The following CES3 variants were observed in gnomAD, a reference collection of about 807,000 sequenced individuals.
The protein encoded by CES3 is carboxylesterase 3 (brain).
CES3 carries 49 observed loss-of-function variants against 57.6 expected under a neutral mutation model. The observed-to-expected ratio is 0.85, with a 90% CI of 0.68 to 1.08. CES3 has a LOEUF of 1.08. Among genes scored for constraint, CES3 ranks in the 50% least tolerant of loss-of-function variants. CES3 has a pLI of 0.00. For missense variants in CES3, 645 were observed against 742.0 expected, an observed-to-expected ratio of 0.87 and a Z score of 1.52; for synonymous variants, 266 against 281.6, an observed-to-expected ratio of 0.94 and a Z score of 0.55.
Position 66,972,889 on chromosome 16 carries a change from A to C in CES3, c.1556A>C (p.Gln519Pro), listed in dbSNP as rs1963865056. Reference protein sequence around the residue: ...PNSKALPPWPQFNQAEQYLEI... With the variant: ...PNSKALPPWPPFNQAEQYLEI... ...AGCAAGGCTCTGCCTCCTTGGCCCC[A>C]ATTCAACCAGGCGGAACAATATCTG... The change falls in exon 13 of 13, where the codon CAA becomes CCA. Residue 519 changes from glutamine to proline, a missense_variant. By Grantham distance (76) the Gln-to-Pro change is moderately conservative. Coordinates refer to ENST00000303334, the MANE Select transcript of CES3 (RefSeq NM_024922.6). The C allele has an allele frequency of 2.5e-6, 4 of 1,614,054 alleles. No individual in the cohort carries two copies. Among genetic ancestry groups the C allele is most frequent in the Non-Finnish European group, 3.4e-6 (4 of 1,180,040 alleles).
intron 11 of CES3, 30 bp downstream of exon 11, chr16:66,972,535 C>T (rs1445951292): frequency 6.2e-7 from 1 of 1,606,424 alleles, no homozygotes; most frequent in African/African-American, 1.3e-5. Context: ...CATGTGATCC[C>T]TAGGCTGCCA....
chr16:66,965,732 A>G (rs1357918842), intron 6 of CES3, among the ~76,000 whole-genome samples: 1 of 152,174 alleles, frequency 6.6e-6, no homozygotes, highest in African/African-American at 2.4e-5. Flanking sequence ...CAAAGTCAGG[A>G]GATCAAGGTG....
chr16:66,961,291 A>C lies in CES3; in HGVS notation c.-17A>C. The C allele has an allele frequency of 6.2e-7, 1 of 1,610,588 alleles. No homozygotes were observed. ...ATTCCACCTTCTGAAGCTTCTGTCG[A>C]ACCAGTTGTAAGGAGAATGGAGAGA... is the stretch of plus-strand genomic sequence containing the variant. On this transcript the variant is annotated 5_prime_UTR_variant, in exon 1 of 13. Coordinates refer to ENST00000303334, the MANE Select transcript of CES3 (RefSeq NM_024922.6).
At position 66,972,928 on chromosome 16, in the gene CES3, T is replaced by A; in HGVS notation, c.1595T>A (p.Val532Glu). 6.2e-7 allele frequency: 1 copy of A among 1,614,150 alleles called. No individual in the cohort carries two copies. Among genetic ancestry groups the A allele is most frequent in the Non-Finnish European group, 8.5e-7 (1 of 1,180,040 alleles). The change falls in exon 13 of 13, where the codon GTG (valine) becomes GAG (glutamate). Residue 532 changes from valine (V) to glutamate (E), a missense_variant. By Grantham distance (121) the Val-to-Glu change is moderately radical. Transcript: ENST00000303334. The stretch of plus-strand genomic sequence containing the variant: ...GAACAATATCTGGAGATCAACCCAG[T>A]GCCACGGGCCGGACAGAAGTTCAGG... The part of the protein sequence containing the change: ...QAEQYLEINP[V>E]PRAGQKFREA...
At chr16:66,966,482 T>C in intron 7 of CES3, 137 bp downstream of exon 7, 1 of 925,284 alleles carries the variant, frequency 1.1e-6, no homozygotes, top group South Asian at 1.7e-5. Context: ...GGCTGAGGGC[T>C]TGGAGACAGA....
rs745877187 is a variant in CES3, at chr16:66,971,316, C to CGAGGTA, written c.1289_1291+3dup. The CGAGGTA allele has an allele frequency of 1.6e-5, 26 of 1,612,620 alleles. No homozygotes were observed. In the East Asian group the frequency reaches 5.8e-4, roughly 36 times the overall value. ...CACCGTCAGTTTTTCAAGATACCTT[C>CGAGGTA]GAGGTAAGCCTGTCCCTGGCCACCT... On this transcript the variant is annotated inframe_insertion, in exon 10 of 13. Coordinates refer to ENST00000303334, the MANE Select transcript of CES3 (RefSeq NM_024922.6).
At position 66,964,500 on chromosome 16, in the gene CES3, T is replaced by C. The variant is rs1462653952; in HGVS notation, c.704T>C (p.Ile235Thr). ...VFGGSAGGSI[I>T]SGLVLSPVAA... ...GGTGGATCTGCCGGTGGGAGCATCA[T>C]CTCTGGCCTGGTAAGTCACTATAGG... Residue 235 changes from isoleucine to threonine, a missense_variant, in exon 5 of 13, where the codon ATC (isoleucine) becomes ACC (threonine). Ile to Thr is a moderately conservative substitution (Grantham distance 89, BLOSUM62 -1). Transcript: ENST00000303334. 2 of 1,613,830 alleles carry C rather than the reference T, an allele frequency of 1.2e-6. No homozygotes were observed. The highest frequency in any genetic ancestry group is 1.7e-6 in the Non-Finnish European group (2 of 1,179,940).
rs1275109809 is a variant in CES3, at chr16:66,964,398, ATG to A, written c.605_606del (p.Val202GlyfsTer17). 6.2e-7 allele frequency: 1 copy of A among 1,614,006 alleles called. No homozygotes were observed. The highest frequency in any genetic ancestry group is 1.1e-5 in the South Asian group (1 of 91,084). The stretch of plus-strand genomic sequence containing the variant: ...GCACCTGGCAACCAGGGCTTCCTAG[ATG>A]TGGTAGCTGCTTTGCGCTGGGTGCA... On this transcript the variant is annotated frameshift_variant, in exon 5 of 13. Coordinates refer to ENST00000303334, the MANE Select transcript of CES3 (RefSeq NM_024922.6). LOFTEE classifies it high-confidence loss of function.
chr16:66,973,556 G>T lies in CES3; in HGVS notation c.*507G>T, dbSNP rs1963881273. ...TGAGTGAGTGAAACACAGAATATGG[G>T]AATGGCAGCTGCTGAACTTGAACCC... is the stretch of plus-strand genomic sequence containing the variant. On this transcript the variant is annotated 3_prime_UTR_variant, in exon 13 of 13. Transcript: ENST00000303334. 6.5e-6 allele frequency: 1 copy of T among 154,910 alleles called. No homozygotes were observed. The highest frequency in any genetic ancestry group is 6.3e-5 in the Admixed American group (1 of 15,838). 9.6% of individuals were successfully genotyped at this position (154,910 alleles called of 1,614,324 possible).
intron 9 of CES3, among the ~76,000 whole-genome samples, chr16:66,970,863 C>T (rs978740907): frequency 2.0e-5 from 3 of 152,342 alleles, no homozygotes; most frequent in Non-Finnish European, 2.9e-5. Flanking sequence ...TAACTTCAAC[C>T]GAGCACCTGC....
intron 6 of CES3, among the ~76,000 whole-genome samples, chr16:66,965,367 G>C (rs1963714830): frequency 1.3e-5 from 2 of 152,158 alleles, no homozygotes; most frequent in African/African-American, 2.4e-5. Flanking sequence ...CCAGTGAAAT[G>C]ACCAGGGCAG....
At chr16:66,969,491 C>T (rs1217320268) in intron 8 of CES3, among the ~76,000 whole-genome samples, 188 bp from the exon 9 acceptor site, 1 of 152,238 alleles carries the variant, frequency 6.6e-6, no homozygotes, top group Non-Finnish European at 1.5e-5. Context: ...TCTCCCCATC[C>T]ACACCAACCA....
intron 1 of CES3, among the ~76,000 whole-genome samples, chr16:66,962,462 A>C (rs1963664299): frequency 6.6e-6 from 1 of 152,262 alleles, no homozygotes; most frequent in Non-Finnish European, 1.5e-5. Context: ...CAGGCCGTAC[A>C]AGAAACATGG....
chr16:66,969,222 A>G (rs1320478574), intron 8 of CES3, among the ~76,000 whole-genome samples: 1 of 152,240 alleles, frequency 6.6e-6, no homozygotes, highest in South Asian at 2.1e-4. Flanking sequence ...CCTGGCCAAC[A>G]TGGCATAACC....
chr16:66,963,718 C>A lies in CES3; in HGVS notation c.427-84C>A, dbSNP rs577410639. On this transcript the variant is annotated intron_variant, in intron 3 of 12. Coordinates refer to ENST00000303334, the MANE Select transcript of CES3 (RefSeq NM_024922.6). The surrounding 1 kb of genome is among the most constrained non-coding windows in gnomAD (Gnocchi z 4.9). ...CGTCCCTGTTTCCAAAGCACCCTAG[C>A]GGTCCTGAGACTGCCTGGGCTGGCA... 2.5e-6 allele frequency: 4 copies of A among 1,611,924 alleles called. No individual in the cohort carries two copies. Among genetic ancestry groups the A allele is most frequent in the Admixed American group, 1.7e-5 (1 of 59,954 alleles).
intron 6 of CES3, among the ~76,000 whole-genome samples, chr16:66,965,472 C>G (rs1436577002): frequency 6.6e-6 from 1 of 152,182 alleles, no homozygotes; most frequent in Non-Finnish European, 1.5e-5. Flanking sequence ...GGTCAATTCC[C>G]TCACCTGGCC....
At chr16:66,964,330 T>A in intron 4 of CES3, 27 bp from the exon 5 acceptor site, 1 of 1,610,552 alleles carries the variant, frequency 6.2e-7, no homozygotes, top group Non-Finnish European at 8.5e-7. Context: ...CAGGCTGAAC[T>A]AACCGTTGCC....
In CES3 at chr16:66,969,711, G is replaced by T. The variant is rs750835792; in HGVS notation, c.1095G>T (p.Met365Ile). Residue 365 changes from methionine to isoleucine, a missense_variant, in exon 9 of 13, where the codon ATG becomes ATT. By Grantham distance (10) the Met-to-Ile change is conservative. Transcript: ENST00000303334. ...GWGLLDTMEQMSREDMLAIST... is the reference protein window; with the variant it reads ...GWGLLDTMEQISREDMLAIST... ...GTCTCCTGGATACAATGGAGCAGAT[G>T]AGCCGGGAGGACATGCTGGCCATCT... 5 of 1,613,368 alleles carry T rather than the reference G, an allele frequency of 3.1e-6. No individual in the cohort carries two copies. In the South Asian group the frequency reaches 5.5e-5, roughly 18 times the overall value.
intron 6 of CES3, among the ~76,000 whole-genome samples, chr16:66,965,891 G>A (rs891594872): frequency 2.6e-5 from 4 of 152,306 alleles, no homozygotes; most frequent in Non-Finnish European, 5.9e-5. Context: ...GGTGAGCCAA[G>A]ATCATGCCAC....
Sources: allele counts gnomAD v4.1 joint callset (sites outside exome capture counted in the v4.1 genomes callset), GRCh38; gene constraint gnomAD v4.1.1; non-coding constraint Gnocchi (gnomAD v3.1); transcripts MANE v1.5; gene names NCBI Gene and HGNC (gene_info 2026-07-23, HGNC 2026-07-21).